Variants in CWC27 observed in about 807,000 individuals in gnomAD.
CWC27 encodes spliceosome-associated protein CWC27 homolog.
In CWC27, 47 loss-of-function variants were observed where a neutral mutation model predicts 63.6. The observed-to-expected ratio is 0.74, with a 90% confidence interval of 0.58 to 0.94. CWC27 has a LOEUF of 0.94. Among genes scored for constraint, CWC27 ranks in the 40% least tolerant of loss-of-function variants. CWC27 has a pLI of 0.00. For missense variants in CWC27, 495 were observed against 554.3 expected (o/e 0.89, Z 1.07); for synonymous variants, 175 against 179.8 (o/e 0.97, Z 0.22).
At chr5:64,778,542 T>C (rs189470005) in intron 2 of CWC27, among the ~76,000 whole-genome samples, 13 of 152,348 alleles carry the variant, frequency 8.5e-5, no homozygotes, top group African/African-American at 2.6e-4. Flanking sequence ...AGTGAAGATA[T>C]TAGTTTGACC....
intron 13 of CWC27, among the ~76,000 whole-genome samples, chr5:64,985,279 T>C (rs962609154): frequency 2.6e-5 from 4 of 152,248 alleles, no homozygotes; most frequent in Admixed American, 1.3e-4. Flanking sequence ...ATAAAAGTTT[T>C]AGAATCAGTT....
intron 11 of CWC27, among the ~76,000 whole-genome samples, chr5:64,898,319 T>TAA (rs370475201): frequency 2.8e-4 from 42 of 148,396 alleles, no homozygotes; most frequent in African/African-American, 9.9e-4. Context: ...AAAGAAGCCT[T>TAA]AAAAAAAAAA....
intron 13 of CWC27, among the ~76,000 whole-genome samples, chr5:64,988,831 G>A (rs13176449): frequency 0.21 from 32,617 of 151,814 alleles, 4,012 homozygotes; most frequent in South Asian, 0.37. Context: ...CTCGAACTCC[G>A]TACCTCAGAT....
chr5:64,943,055 T>C (rs751728267), intron 11 of CWC27, among the ~76,000 whole-genome samples: 4 of 152,020 alleles, frequency 2.6e-5, no homozygotes, highest in Non-Finnish European at 5.9e-5. Flanking sequence ...ACATTGAAAG[T>C]CTTAAATGTT....
intron 12 of CWC27, among the ~76,000 whole-genome samples, chr5:64,973,539 C>T (rs900008919): frequency 1.3e-5 from 2 of 152,200 alleles, no homozygotes. Context: ...TGAATAATTC[C>T]CCTGCAGATG....
rs548290683 is a variant in CWC27, at chr5:64,925,669, C to G, written c.1042+40123C>G. ...GATAAAGGGAGAGGTGTGTTCATCA[C>G]AATGGTAATACCAACTTTACATGAT... On this transcript the variant is annotated intron_variant, in intron 11 of 13. Transcript: ENST00000381070. 3.9e-5 allele frequency among the ~76,000 whole-genome samples: 6 copies of G among 152,288 alleles called. No homozygotes were observed. The South Asian group carries it at 1.0e-3, about 26-fold the overall frequency.
chr5:64,804,405 T>A lies in CWC27; in HGVS notation c.938+19T>A, dbSNP rs1744591597. On this transcript the variant is annotated intron_variant, in intron 10 of 13. Transcript: ENST00000381070. ...GCCGCAGGTGAGTCAGTTACTGTGC[T>A]AGATATCAGAGTTTTTGTCTTTTTA... 5.7e-6 allele frequency: 9 copies of A among 1,569,922 alleles called. No individual in the cohort carries two copies. Among genetic ancestry groups the A allele is most frequent in the Admixed American group, 1.9e-5 (1 of 52,324 alleles).
intron 5 of CWC27, among the ~76,000 whole-genome samples, chr5:64,786,130 A>G (rs1041458463): frequency 4.2e-5 from 6 of 144,172 alleles, no homozygotes; most frequent in South Asian, 2.2e-4. Flanking sequence ...ACGCCACTGC[A>G]CTCCAGCCTG....
At chr5:64,973,516 G>A (rs1194323068) in intron 12 of CWC27, among the ~76,000 whole-genome samples, 1 of 152,148 alleles carries the variant, frequency 6.6e-6, no homozygotes, top group Non-Finnish European at 1.5e-5. Context: ...GTTCTTTCAG[G>A]AAAAGCCATA....
At chr5:64,969,901 C>CGGA (rs143451388) in intron 11 of CWC27, among the ~76,000 whole-genome samples, 1,542 of 152,166 alleles carry the variant, frequency 0.01, 33 homozygotes, top group African/African-American at 0.035. Context: ...TTAACAAGAA[C>CGGA]GGAGAGATGA....
chr5:65,005,750 C>G (rs1162309877), intron 13 of CWC27, among the ~76,000 whole-genome samples: 1 of 152,078 alleles, frequency 6.6e-6, no homozygotes, highest in Non-Finnish European at 1.5e-5. Flanking sequence ...AAAGAGAACC[C>G]TAAGTTACTT....
intron 10 of CWC27, among the ~76,000 whole-genome samples, chr5:64,822,761 A>G (rs1745240618): frequency 6.6e-6 from 1 of 152,154 alleles, no homozygotes; most frequent in Admixed American, 6.5e-5. Flanking sequence ...TGAAGGATTC[A>G]AGGCTGGATT....
At chr5:64,980,870 T>A (rs556470767) in intron 13 of CWC27, among the ~76,000 whole-genome samples, 1 of 152,306 alleles carries the variant, frequency 6.6e-6, no homozygotes, top group East Asian at 1.9e-4. Context: ...GGCAGGTGGA[T>A]CACTTGAGGT....
rs1223914042 is a variant in CWC27, at chr5:64,832,318, T to C, written c.938+27932T>C. On this transcript the variant is annotated intron_variant, in intron 10 of 13. Transcript: ENST00000381070. ...CCTTATTTTCAAAAACATCTTTCAG[T>C]GTTTCGGTAATTCCAAGGTAGTGGT... is the stretch of plus-strand genomic sequence containing the variant. 2.6e-5 allele frequency among the ~76,000 whole-genome samples: 4 copies of C among 151,854 alleles called. No homozygotes were observed. In the East Asian group the frequency reaches 7.7e-4, roughly 29 times the overall value.
chr5:64,916,907 T>TAGTAGTAGTAGTAGTAGTAGTAGC (rs1747900447), intron 11 of CWC27, among the ~76,000 whole-genome samples: 3 of 151,244 alleles, frequency 2.0e-5, no homozygotes, highest in Non-Finnish European at 4.4e-5. Flanking sequence ...GTAGTAGTAG[T>TAGTAGTAGTAGTAGTAGTAGTAGC]AGTAGTAGTA....
intron 11 of CWC27, among the ~76,000 whole-genome samples, chr5:64,909,252 A>C (rs1218710994): frequency 2.6e-5 from 4 of 151,758 alleles, no homozygotes; most frequent in Non-Finnish European, 5.9e-5. Flanking sequence ...GAGAGATTTC[A>C]GTGGAAACCT....
At chr5:64,788,617 TG>T (rs1214655255) in intron 6 of CWC27, among the ~76,000 whole-genome samples, 4 of 152,002 alleles carry the variant, frequency 2.6e-5, no homozygotes, top group African/African-American at 9.7e-5. Context: ...ACCCCCATTT[TG>T]CTACCAGTTT....
chr5:64,807,790 GT>G (rs1196575631), intron 10 of CWC27: 6 of 1,534,816 alleles, frequency 3.9e-6, no homozygotes, highest in African/African-American at 1.4e-5. Flanking sequence ...CTGGCTGCTT[GT>G]TTTTTTATGA....
chr5:64,908,711 CT>C (rs1008329736), intron 11 of CWC27, among the ~76,000 whole-genome samples: 2 of 151,978 alleles, frequency 1.3e-5, no homozygotes, highest in South Asian at 2.1e-4. Context: ...GCAACCCCTG[CT>C]TTTTTTTGTT....
Sources: gnomAD v4.1 joint callset for allele counts (sites outside exome capture counted in the v4.1 genomes callset) on GRCh38, gnomAD v4.1.1 for gene constraint, MANE v1.5 for transcripts, NCBI Gene and HGNC (gene_info 2026-07-23, HGNC 2026-07-21) for gene names.